Variants in ERGIC1 observed in about 807,000 individuals in gnomAD.
ERGIC1 encodes endoplasmic reticulum-Golgi intermediate compartment protein 1.
ERGIC1 carries 19 observed loss-of-function variants against 38.3 expected under a neutral mutation model. The ratio of observed to expected loss-of-function variants is 0.50; its 90% CI spans 0.35 to 0.73. The LOEUF (loss-of-function observed/expected upper bound fraction) is 0.73. Ranked by LOEUF, ERGIC1 falls within the 30% of genes least tolerant of loss-of-function variation. The pLI, the probability that ERGIC1 is intolerant of heterozygous loss-of-function variation, is 0.01. For synonymous variants in ERGIC1, 124 were observed against 157.6 expected (o/e 0.79, Z 1.60); for missense variants, 294 against 389.2 (o/e 0.76, Z 2.06).
At chr5:172,850,306 A>T (rs939095904) in intron 1 of ERGIC1, among the ~76,000 whole-genome samples, 1 of 30,812 alleles carries the variant, frequency 3.2e-5, no homozygotes, top group African/African-American at 1.2e-4. Context: ...TCCCTGCCCC[A>T]CCCCACCCCA....
rs76189308 is a variant in ERGIC1 at position 172,905,714 on chromosome 5, C to T, written c.156-3953C>T. Reference sequence around the variant, plus strand: ...TCTGTGACGACTGCGATCAGCACCACGAGCTAAAGCTCAGCTCGAGCCGGA... The same window carrying T: ...TCTGTGACGACTGCGATCAGCACCATGAGCTAAAGCTCAGCTCGAGCCGGA... On this transcript the variant is annotated intron_variant, in intron 3 of 9. Transcript: ENST00000393784. Among the ~76,000 whole-genome samples the T allele has an allele frequency of 9.0e-3, 1,305 of 145,730 alleles. 13 individuals carry two copies. The highest frequency in any genetic ancestry group is 0.032 in the African/African-American group (1,259 of 39,458).
At chr5:172,948,172 C>T (rs1470367943) in intron 9 of ERGIC1, among the ~76,000 whole-genome samples, 5 of 152,148 alleles carry the variant, frequency 3.3e-5, no homozygotes, top group East Asian at 3.8e-4. Context: ...CCTGGGGGGC[C>T]GCTCCGGTTT....
Position 172,932,249 on chromosome 5 carries a change from T to C in ERGIC1, c.542-187T>C, listed in dbSNP as rs113519926. 4.7e-3 allele frequency among the ~76,000 whole-genome samples: 721 copies of C among 152,330 alleles called. 1 individual carries two copies. The highest frequency in any genetic ancestry group is 0.016 in the African/African-American group (672 of 41,580). On this transcript the variant is annotated intron_variant, in intron 7 of 9. Transcript: ENST00000393784. ...GTGCACAGTGCAGGAGGAAAGATCC[T>C]GATGGATAGAGTCTCCCAATTCCCG... is the stretch of plus-strand genomic sequence containing the variant.
intron 7 of ERGIC1, among the ~76,000 whole-genome samples, chr5:172,930,839 C>G (rs921433188): frequency 6.6e-6 from 1 of 152,110 alleles, no homozygotes; most frequent in Non-Finnish European, 1.5e-5. Flanking sequence ...GGAAAGAGGT[C>G]CAGGTGTCTT....
intron 7 of ERGIC1, among the ~76,000 whole-genome samples, chr5:172,927,385 C>A (rs1763678911): frequency 6.6e-6 from 1 of 152,310 alleles, no homozygotes; most frequent in South Asian, 2.1e-4. Flanking sequence ...ACCTGCCCCC[C>A]CGACAAATCG....
intron 3 of ERGIC1, 67 bp from the exon 4 acceptor site, chr5:172,909,600 C>A: frequency 7.0e-7 from 1 of 1,438,002 alleles, no homozygotes; most frequent in Non-Finnish European, 9.8e-7. Flanking sequence ...TGATCCCCGG[C>A]TGTCCCCCGC....
intron 1 of ERGIC1, among the ~76,000 whole-genome samples, chr5:172,849,595 G>T (rs1035500148): frequency 7.9e-5 from 12 of 152,264 alleles, no homozygotes; most frequent in Admixed American, 1.3e-4. Context: ...AGGCTTTGGG[G>T]GGTTGAGAGT....
At chr5:172,927,348 C>T (rs747005611) in intron 7 of ERGIC1, among the ~76,000 whole-genome samples, 1 of 152,144 alleles carries the variant, frequency 6.6e-6, no homozygotes, top group Admixed American at 6.5e-5. Context: ...TGTCAGGGAT[C>T]CAAGGCAAAG....
chr5:172,935,337 G>T, intron 9 of ERGIC1, 27 bp downstream of exon 9: 4 of 1,613,506 alleles, frequency 2.5e-6, no homozygotes, highest in Non-Finnish European at 3.4e-6. Flanking sequence ...AGTGGGTGGG[G>T]CCCTGAGCCA....
chr5:172,890,912 A>G (rs944487796), intron 2 of ERGIC1, among the ~76,000 whole-genome samples: 3 of 152,220 alleles, frequency 2.0e-5, no homozygotes, highest in African/African-American at 7.2e-5. Context: ...TGAAGCTGCA[A>G]GATGCCTTTG....
intron 1 of ERGIC1, among the ~76,000 whole-genome samples, chr5:172,857,579 A>T (rs1281345651): frequency 2.2e-5 from 3 of 134,688 alleles, no homozygotes; most frequent in African/African-American, 7.9e-5. Context: ...ACAATGGGCT[A>T]ATAATGGTGC....
intron 3 of ERGIC1, chr5:172,905,581 A>T (rs1297840336): frequency 1.0e-5 from 4 of 387,066 alleles, no homozygotes. Context: ...TTAGCCACGC[A>T]GGAACAATGG....
At chr5:172,901,859 C>T (rs1361649915) in intron 3 of ERGIC1, among the ~76,000 whole-genome samples, 1 of 152,134 alleles carries the variant, frequency 6.6e-6, no homozygotes, top group Non-Finnish European at 1.5e-5. Context: ...CCTTGGCCTC[C>T]CAAAGTGCTG....
At chr5:172,913,705 T>C (rs1763269096) in intron 4 of ERGIC1, among the ~76,000 whole-genome samples, 2 of 152,204 alleles carry the variant, frequency 1.3e-5, no homozygotes, top group Admixed American at 1.3e-4. Context: ...ACTGGCTACT[T>C]GGACCATCTC....
chr5:172,938,690 T>C (rs1279306488), intron 9 of ERGIC1, among the ~76,000 whole-genome samples: 1 of 151,028 alleles, frequency 6.6e-6, no homozygotes, highest in Non-Finnish European at 1.5e-5. Flanking sequence ...AAGGCGGACG[T>C]TGCAGTGAGC....
At chr5:172,878,443 G>A (rs931794071) in intron 1 of ERGIC1, among the ~76,000 whole-genome samples, 1 of 152,188 alleles carries the variant, frequency 6.6e-6, no homozygotes, top group African/African-American at 2.4e-5. Flanking sequence ...AAAACAGAAA[G>A]AATGCTACTG....
chr5:172,929,808 TG>T (rs1194398544), intron 7 of ERGIC1, among the ~76,000 whole-genome samples: 1 of 152,152 alleles, frequency 6.6e-6, no homozygotes, highest in Non-Finnish European at 1.5e-5. Flanking sequence ...GGCTAGGTTC[TG>T]GGGATAGAGA....
chr5:172,843,095 G>T (rs939503733), intron 1 of ERGIC1, among the ~76,000 whole-genome samples: 2 of 152,204 alleles, frequency 1.3e-5, no homozygotes, highest in African/African-American at 4.8e-5. Context: ...GCAGTGAGCC[G>T]AGATTGTGCC....
At chr5:172,857,684 C>G (rs149822692) in intron 1 of ERGIC1, among the ~76,000 whole-genome samples, 1 of 151,324 alleles carries the variant, frequency 6.6e-6, no homozygotes, top group Non-Finnish European at 1.5e-5. Context: ...TCATGGAACC[C>G]CTCCTCCTGG....
Sources: allele counts gnomAD v4.1 joint callset (sites outside exome capture counted in the v4.1 genomes callset), GRCh38; gene constraint gnomAD v4.1.1; transcripts MANE v1.5; gene names NCBI Gene and HGNC (gene_info 2026-07-23, HGNC 2026-07-21).